Variants in TYRP1 observed in about 807,000 individuals in gnomAD.
TYRP1 encodes the protein tyrosinase related protein 1, also known as 5,6-dihydroxyindole-2-carboxylic acid oxidase.
A neutral mutation model predicts 42.8 loss-of-function variants in TYRP1; 49 were observed. That is an observed-to-expected ratio of 1.14 (90% CI 0.91 to 1.45). TYRP1 has a LOEUF of 1.45. TYRP1 is among the 40% of genes most tolerant of loss of function. The pLI, the probability that TYRP1 is intolerant of heterozygous loss-of-function variation, is 0.00. For missense variants in TYRP1, 848 were observed against 662.0 expected (o/e 1.28, Z -3.08); for synonymous variants, 279 against 235.4 (o/e 1.19, Z -1.69).
chr9:12,704,779 C>G, intron 6 of TYRP1, 74 bp downstream of exon 6: 2 of 1,447,688 alleles, frequency 1.4e-6, no homozygotes, highest in East Asian at 2.3e-5. Flanking sequence ...TCAGTTCAAG[C>G]TGAGCACTCA....
intron 3 of TYRP1, 69 bp downstream of exon 3, chr9:12,695,906 T>A: frequency 6.7e-7 from 1 of 1,500,150 alleles, no homozygotes; most frequent in Non-Finnish European, 9.2e-7. Context: ...GTGATTTTAA[T>A]TCACTAGTTT....
At chr9:12,701,675 T>G (rs901832086) in intron 4 of TYRP1, 5 of 152,636 alleles carry the variant, frequency 3.3e-5, no homozygotes, top group African/African-American at 1.2e-4. Flanking sequence ...TCTTTAAGGC[T>G]CCTATCATAT....
At position 12,694,265 on chromosome 9, in the gene TYRP1, G is replaced by C; in HGVS notation, c.269G>C (p.Trp90Ser). 6.2e-7 allele frequency: 1 copy of C among 1,613,876 alleles called. No homozygotes were observed. The highest frequency in any genetic ancestry group is 8.5e-7 in the Non-Finnish European group (1 of 1,179,936). Residue 90 changes from tryptophan to serine, a missense_variant, in exon 2 of 8, where the codon TGG becomes TCG. Trp to Ser is a radical substitution (Grantham distance 177). Transcript: ENST00000388918. ...GATGGCAGAGATGATCGGGAGGTCT[G>C]GCCCTTGCGCTTCTTCAATAGGACA... ...PHDGRDDREV[W>S]PLRFFNRTCH...
chr9:12,700,328 C>T (rs560634409), intron 4 of TYRP1: 1 of 152,166 alleles, frequency 6.6e-6, no homozygotes, highest in African/African-American at 2.4e-5. Flanking sequence ...ATACCCATGT[C>T]TTCACATGCT....
intron 2 of TYRP1, 24 bp downstream of exon 2, chr9:12,694,405 C>T: frequency 1.2e-6 from 2 of 1,612,890 alleles, no homozygotes; most frequent in Non-Finnish European, 1.7e-6. Flanking sequence ...TGAATGAGTT[C>T]ATAAGTCCTG....
Position 12,709,146 on chromosome 9 carries a change from T to G in TYRP1, c.1578T>G (p.Tyr526Ter). 1 of 1,612,594 alleles carries G rather than the reference T, an allele frequency of 6.2e-7. No homozygotes were observed. ...TDQYQCYAEEYEKLQNPNQSV... is the reference protein window; with the variant it reads ...TDQYQCYAEE ...AGTATCAATGCTATGCTGAAGAATATGAAAAACTCCAGAATCCTAATCAGT... is the reference window on the plus strand; with the variant it reads ...AGTATCAATGCTATGCTGAAGAATAGGAAAAACTCCAGAATCCTAATCAGT... The change falls in exon 8 of 8, where the codon TAT (tyrosine) becomes TAG (stop). Residue 526 changes from tyrosine (Y) to a stop codon, truncating the protein, a stop_gained. Transcript: ENST00000388918. LOFTEE classifies it high-confidence loss of function.
intron 4 of TYRP1, chr9:12,700,017 A>G (rs1352725694): frequency 6.6e-6 from 1 of 152,124 alleles, no homozygotes; most frequent in African/African-American, 2.4e-5. Context: ...AAGAATATTT[A>G]TTTTAGGTTA....
intron 5 of TYRP1, among the ~76,000 whole-genome samples, chr9:12,702,756 G>C (rs997838225): frequency 1.3e-5 from 2 of 151,516 alleles, no homozygotes; most frequent in African/African-American, 4.8e-5. Flanking sequence ...TCTAGCATTG[G>C]CAAACAATAT....
chr9:12,699,799 C>T (rs1818137057), intron 4 of TYRP1, among the ~76,000 whole-genome samples: 1 of 152,004 alleles, frequency 6.6e-6, no homozygotes, highest in African/African-American at 2.4e-5. Flanking sequence ...TGTGACCAGG[C>T]CATTGTATTT....
At chr9:12,708,901 A>G (rs1220112556) in intron 7 of TYRP1, 76 bp from the exon 8 acceptor site, 25 of 1,316,112 alleles carry the variant, frequency 1.9e-5, no homozygotes, top group Non-Finnish European at 2.1e-5. Flanking sequence ...AGACATTTCT[A>G]AATTTCATCT....
rs761881496 is a variant in TYRP1, at chr9:12,698,668, T to C, written c.913+13T>C. 66 of 1,608,758 alleles carry C rather than the reference T, an allele frequency of 4.1e-5. No homozygotes were observed. Among genetic ancestry groups the C allele is most frequent in the Non-Finnish European group, 5.4e-5 (64 of 1,175,506 alleles). ...ACACTTTGTAACAGTAAGTTCCAAA[T>C]GATAGCTTGGAGTCAGAATTTCTTT... On this transcript the variant is annotated intron_variant, in intron 4 of 7. Coordinates refer to ENST00000388918, the MANE Select transcript of TYRP1 (RefSeq NM_000550.3).
chr9:12,702,457 T>G lies in TYRP1; in HGVS notation c.1081+19T>G, dbSNP rs1331698111. On this transcript the variant is annotated intron_variant, in intron 5 of 7. Transcript: ENST00000388918. ...GTGGAAGGCAAGTAAATGAAATCAG[T>G]ATTTTTAAAAGATCTAGTTATCAGA... 7 of 1,610,342 alleles carry G rather than the reference T, an allele frequency of 4.3e-6. No individual in the cohort carries two copies. Among genetic ancestry groups the G allele is most frequent in the Non-Finnish European group, 5.9e-6 (7 of 1,177,574 alleles).
intron 5 of TYRP1, among the ~76,000 whole-genome samples, chr9:12,703,543 CA>C (rs1818208586): frequency 6.6e-6 from 1 of 151,720 alleles, no homozygotes; most frequent in Non-Finnish European, 1.5e-5. Context: ...TATTTCCTGA[CA>C]AAATGTATAA....
intron 5 of TYRP1, among the ~76,000 whole-genome samples, chr9:12,704,109 T>C (rs1818219973): frequency 6.6e-6 from 1 of 151,978 alleles, no homozygotes; most frequent in Non-Finnish European, 1.5e-5. Context: ...GGTAGGAGGC[T>C]GAAGTAACAT....
At chr9:12,696,730 C>G (rs1482741102) in intron 3 of TYRP1, among the ~76,000 whole-genome samples, 1 of 151,940 alleles carries the variant, frequency 6.6e-6, no homozygotes, top group African/African-American at 2.4e-5. Flanking sequence ...TGCTCTGTTC[C>G]TTGAGAAAAA....
chr9:12,702,266 TGCAGGCAC>T lies in TYRP1; in HGVS notation c.914-4_917del. On this transcript the variant is annotated splice_acceptor_variant and splice_polypyrimidine_tract_variant and coding_sequence_variant and intron_variant, in exon 5 of 8. Transcript: ENST00000388918. LOFTEE classifies it high-confidence loss of function. ...AATGTTTCCACATCCCATTTTTTTCTGCAGGCACCGAGGATGGGCCAATTAGGAGAAAT... is the reference window on the plus strand; with the variant it reads ...AATGTTTCCACATCCCATTTTTTTCTCGAGGATGGGCCAATTAGGAGAAAT... 6.2e-7 allele frequency: 1 copy of T among 1,612,938 alleles called. No individual in the cohort carries two copies.
Position 12,693,901 on chromosome 9 carries a change from C to T in TYRP1, c.-85-11C>T. The T allele has an allele frequency of 6.4e-7, 1 of 1,552,452 alleles. No homozygotes were observed. The highest frequency in any genetic ancestry group is 8.8e-7 in the Non-Finnish European group (1 of 1,139,252). On this transcript the variant is annotated splice_polypyrimidine_tract_variant and intron_variant, in intron 1 of 7. Transcript: ENST00000388918. ...AACTTGCATAATCTCATTTTACTTT[C>T]TCTTTTTCAGCTGGATTTTCCTCTA...
At position 12,694,384 on chromosome 9, in the gene TYRP1, A is replaced by G; in HGVS notation, c.385+3A>G. ...CTGTGACCAGAGGGTTCTCATAGGTAAGTGGAGATATGAATGAGTTCATAA... is the reference window on the plus strand; with the variant it reads ...CTGTGACCAGAGGGTTCTCATAGGTGAGTGGAGATATGAATGAGTTCATAA... On this transcript the variant is annotated splice_donor_region_variant and intron_variant, in intron 2 of 7. Transcript: ENST00000388918. 3 of 1,613,880 alleles carry G rather than the reference A, an allele frequency of 1.9e-6. No homozygotes were observed. Among genetic ancestry groups the G allele is most frequent in the Non-Finnish European group, 8.5e-7 (1 of 1,179,962 alleles).
At chr9:12,708,326 G>T (rs1304919074) in intron 7 of TYRP1, among the ~76,000 whole-genome samples, 183 bp downstream of exon 7, 1 of 151,920 alleles carries the variant, frequency 6.6e-6, no homozygotes, top group Admixed American at 6.6e-5. Context: ...ACACTAAGCT[G>T]ATATTGATCT....
Sources: allele counts gnomAD v4.1 joint callset (sites outside exome capture counted in the v4.1 genomes callset), GRCh38; gene constraint gnomAD v4.1.1; transcripts MANE v1.5; gene names NCBI Gene and HGNC (gene_info 2026-07-23, HGNC 2026-07-21).